Variants in PGBD5 observed in about 807,000 individuals in gnomAD.
PGBD5 encodes the protein piggyBac transposable element-derived protein 5.
In PGBD5, 14 loss-of-function variants were observed where a neutral mutation model predicts 47.9. The ratio of observed to expected loss-of-function variants is 0.29; its 90% CI spans 0.19 to 0.46. The LOEUF is 0.46. Among genes scored for constraint, PGBD5 ranks in the 20% least tolerant of loss-of-function variants. The probability of loss-of-function intolerance (pLI) is 1.00; values close to 1 mark genes in which losing one functional copy is unlikely to be tolerated. For synonymous variants in PGBD5, 316 were observed against 306.3 expected (o/e 1.03, Z -0.33); for missense variants, 635 against 716.0 (o/e 0.89, Z 1.29).
intron 2 of PGBD5, among the ~76,000 whole-genome samples, chr1:230,352,238 G>C (rs767244618): frequency 4.6e-5 from 7 of 152,264 alleles, no homozygotes; most frequent in Non-Finnish European, 7.3e-5. Context: ...CTGACAACAC[G>C]CAACAGTGAC....
At chr1:230,416,014 GA>G (rs1428325222) in intron 1 of PGBD5, among the ~76,000 whole-genome samples, 2 of 152,206 alleles carry the variant, frequency 1.3e-5, no homozygotes, top group East Asian at 3.8e-4. Flanking sequence ...AAAGTGCTTA[GA>G]AAAGCATCTG....
rs1558198500 is a variant in PGBD5 at position 230,357,447 on chromosome 1, G to A, written c.332-126C>T. The A allele has an allele frequency of 2.0e-5, 20 of 1,018,708 alleles. No homozygotes were observed. In the South Asian group the frequency reaches 2.8e-4, roughly 14 times the overall value. 63.1% of individuals were successfully genotyped at this position (1,018,708 alleles called of 1,614,324 possible). On this transcript the variant is annotated intron_variant, in intron 1 of 6. Coordinates refer to ENST00000391860, the MANE Select transcript of PGBD5 (RefSeq NM_001258311.2). This position sits in a 1 kb window ranked among gnomAD's most constrained non-coding sequence, Gnocchi z 5.7. ...TGCCCCCGCTGCCTCCAGTGCTACCGCCTTCCCCTCCAACCTTCCAGAAGC... is the reference window on the plus strand; with the variant it reads ...TGCCCCCGCTGCCTCCAGTGCTACCACCTTCCCCTCCAACCTTCCAGAAGC...
intron 3 of PGBD5, among the ~76,000 whole-genome samples, chr1:230,347,414 A>C (rs995054300): frequency 2.6e-5 from 4 of 151,734 alleles, no homozygotes; most frequent in African/African-American, 9.7e-5. Context: ...TAAAGCCCAA[A>C]GGCCTTCTGC....
chr1:230,407,852 T>C (rs79945273), intron 1 of PGBD5, among the ~76,000 whole-genome samples: 8,861 of 152,314 alleles, frequency 0.058, 324 homozygotes, highest in Middle Eastern at 0.11. Flanking sequence ...ATCTGAAATT[T>C]ACTCCTAAAA....
intron 1 of PGBD5, among the ~76,000 whole-genome samples, chr1:230,398,734 C>T (rs535954580): frequency 6.6e-6 from 1 of 152,196 alleles, no homozygotes; most frequent in Non-Finnish European, 1.5e-5. Flanking sequence ...GTGACCCCAC[C>T]CCACAGCTCC....
chr1:230,371,098 C>T (rs1286993383), intron 1 of PGBD5, among the ~76,000 whole-genome samples: 2 of 152,200 alleles, frequency 1.3e-5, no homozygotes, highest in Non-Finnish European at 2.9e-5. Flanking sequence ...AAACTCACCT[C>T]AGCTCCCGAA....
chr1:230,421,067 C>T (rs1657636852), intron 1 of PGBD5, among the ~76,000 whole-genome samples: 3 of 152,108 alleles, frequency 2.0e-5, no homozygotes, highest in African/African-American at 7.2e-5. Context: ...TAGACCTCAC[C>T]ACCTGTTCCA....
intron 1 of PGBD5, among the ~76,000 whole-genome samples, chr1:230,418,146 T>G (rs181245033): frequency 2.0e-4 from 31 of 152,186 alleles, no homozygotes; most frequent in Admixed American, 1.6e-3. Context: ...GTACTAAGGG[T>G]AAATATACAA....
intron 1 of PGBD5, among the ~76,000 whole-genome samples, chr1:230,375,954 C>T (rs1187760819): frequency 2.0e-5 from 3 of 151,646 alleles, no homozygotes; most frequent in South Asian, 2.1e-4. Context: ...TGCCTCAGTC[C>T]GCCTACCTTG....
chr1:230,424,085 C>G (rs1024339402), intron 1 of PGBD5, among the ~76,000 whole-genome samples: 1 of 152,200 alleles, frequency 6.6e-6, no homozygotes, highest in Non-Finnish European at 1.5e-5. Context: ...CCCTGAGACA[C>G]GCAGAGACTT....
At chr1:230,325,739 G>A (rs756984347) in intron 5 of PGBD5, among the ~76,000 whole-genome samples, 72 of 152,098 alleles carry the variant, frequency 4.7e-4, no homozygotes, top group Non-Finnish European at 6.3e-4. Flanking sequence ...GCATCCGACT[G>A]GGCCTTGAAA....
intron 1 of PGBD5, among the ~76,000 whole-genome samples, chr1:230,398,336 C>G (rs578127939): frequency 5.9e-5 from 9 of 152,302 alleles, no homozygotes; most frequent in Middle Eastern, 3.4e-3. Context: ...AGGCCTCTCT[C>G]CTGGCTTGCA....
Position 230,357,271 on chromosome 1 carries a change from G to C in PGBD5, c.382C>G (p.Leu128Val). Reference sequence around the variant, plus strand: ...TTGAGGACGTTGTCTGGGACAAAGAGCTGGAAGAAGTCCACGGCACTGGCG... The same window carrying C: ...TTGAGGACGTTGTCTGGGACAAAGACCTGGAAGAAGTCCACGGCACTGGCG... Reference protein sequence around the residue: ...PSASAVDFFQLFVPDNVLKNM... With the variant: ...PSASAVDFFQVFVPDNVLKNM... Residue 128 changes from leucine to valine, a missense_variant, in exon 2 of 7, where the codon CTC (leucine) becomes GTC (valine). Leu to Val is a conservative substitution (Grantham distance 32). Transcript: ENST00000391860. This position sits in a 1 kb window ranked among gnomAD's most constrained non-coding sequence, Gnocchi z 5.7. 6.2e-7 allele frequency: 1 copy of C among 1,614,176 alleles called. No individual in the cohort carries two copies. The highest frequency in any genetic ancestry group is 1.3e-5 in the African/African-American group (1 of 75,036).
chr1:230,343,134 G>A lies in PGBD5; in HGVS notation c.895-5846C>T, dbSNP rs536843808. On this transcript the variant is annotated intron_variant, in intron 3 of 6. Coordinates refer to ENST00000391860, the MANE Select transcript of PGBD5 (RefSeq NM_001258311.2). Reference sequence around the variant, plus strand: ...CTCTCAGGCCTCTCACCATGACCATGCCCAGGAAGAGCTCATGTGCTGAGT... The same window carrying A: ...CTCTCAGGCCTCTCACCATGACCATACCCAGGAAGAGCTCATGTGCTGAGT... Among the ~76,000 whole-genome samples, 3 of 152,280 alleles carry A rather than the reference G, an allele frequency of 2.0e-5. No individual in the cohort carries two copies. The South Asian group carries it at 6.2e-4, about 32-fold the overall frequency.
intron 1 of PGBD5, among the ~76,000 whole-genome samples, chr1:230,419,809 G>A (rs1186341788): frequency 6.6e-6 from 1 of 152,156 alleles, no homozygotes; most frequent in Admixed American, 6.6e-5. Context: ...ATGCTAAGGA[G>A]TAAATTGAGG....
Position 230,323,220 on chromosome 1 carries a change from G to C in PGBD5, c.*205C>G. On this transcript the variant is annotated 3_prime_UTR_variant, in exon 7 of 7. Transcript: ENST00000391860. This position sits in a 1 kb window ranked among gnomAD's most constrained non-coding sequence, Gnocchi z 4.1. ...CACACCGGCGGCACTGTTTCTCGAG[G>C]GAGGACATGCTCTTCTTGGAATGCA... 1 of 584,524 alleles carries C rather than the reference G, an allele frequency of 1.7e-6. No homozygotes were observed. The highest frequency in any genetic ancestry group is 2.9e-5 in the East Asian group (1 of 34,596). 36.2% of individuals were successfully genotyped at this position (584,524 alleles called of 1,614,324 possible).
chr1:230,425,653 C>A lies in PGBD5; in HGVS notation c.276G>T (p.Ala92=). The change falls in exon 1 of 7, where the codon GCG becomes GCT. Residue 92 remains alanine, a synonymous_variant. Coordinates refer to ENST00000391860, the MANE Select transcript of PGBD5 (RefSeq NM_001258311.2). This position sits in a 1 kb window ranked among gnomAD's most constrained non-coding sequence, Gnocchi z 4.7. ...AQEPEEDEAG[A]GWSAALRDRP... Reference sequence around the variant, plus strand: ...GGTCCCGCAGCGCTGCGCTCCAGCCCGCGCCGGCCTCGTCCTCCTCCGGCT... The same window carrying A: ...GGTCCCGCAGCGCTGCGCTCCAGCCAGCGCCGGCCTCGTCCTCCTCCGGCT... 1 of 1,220,262 alleles carries A rather than the reference C, an allele frequency of 8.2e-7. No homozygotes were observed. The highest frequency in any genetic ancestry group is 3.3e-5 in the East Asian group (1 of 30,708). The allele number at this position is 1,220,262 out of a possible 1,614,324, so 75.6% of individuals were successfully genotyped here.
At chr1:230,397,138 C>T (rs534755069) in intron 1 of PGBD5, among the ~76,000 whole-genome samples, 4 of 152,326 alleles carry the variant, frequency 2.6e-5, no homozygotes, top group East Asian at 1.9e-4. Context: ...ATTGCCCACC[C>T]GCACACGCGC....
In PGBD5 at chr1:230,385,578, G is replaced by A. The variant is rs1380833754; in HGVS notation, c.332-28257C>T. On this transcript the variant is annotated intron_variant, in intron 1 of 6. Coordinates refer to ENST00000391860, the MANE Select transcript of PGBD5 (RefSeq NM_001258311.2). ...AACTCCTTTTAGAGCACACAAAGGT[G>A]ACTCACTTATTATAGAGAAAATTAG... 2.6e-5 allele frequency among the ~76,000 whole-genome samples: 4 copies of A among 152,138 alleles called. No homozygotes were observed. The East Asian group carries it at 5.8e-4, about 22-fold the overall frequency.
Sources: allele counts gnomAD v4.1 joint callset (sites outside exome capture counted in the v4.1 genomes callset), GRCh38; gene constraint gnomAD v4.1.1; non-coding constraint Gnocchi (gnomAD v3.1); transcripts MANE v1.5; gene names NCBI Gene and HGNC (gene_info 2026-07-23, HGNC 2026-07-21).